Variants in GOLM1 observed in about 807,000 individuals in gnomAD.
GOLM1 encodes the protein epididymis luminal protein 46.
GOLM1 carries 31 observed loss-of-function variants against 50.5 expected under a neutral mutation model. That is an observed-to-expected ratio of 0.61 (90% CI 0.46 to 0.83). The LOEUF (loss-of-function observed/expected upper bound fraction) is 0.83. GOLM1 is among the 40% of genes least tolerant of loss of function. GOLM1 has a pLI of 0.00. For missense variants in GOLM1, 491 were observed against 501.3 expected, an observed-to-expected ratio of 0.98 and a Z score of 0.20; for synonymous variants, 178 against 192.8, an observed-to-expected ratio of 0.92 and a Z score of 0.64.
At chr9:86,039,274 G>A (rs1833251173) in intron 6 of GOLM1, among the ~76,000 whole-genome samples, 1 of 152,306 alleles carries the variant, frequency 6.6e-6, no homozygotes, top group Non-Finnish European at 1.5e-5. Context: ...ACACCTGCTA[G>A]GAAGGGTATC....
In GOLM1 at chr9:86,026,560, G is replaced by A. The variant is rs144145411; in HGVS notation, c.*1257C>T. 530 of 908,106 alleles carry A rather than the reference G, an allele frequency of 5.8e-4. 2 individuals are homozygous for A. The highest frequency in any genetic ancestry group is 3.7e-3 in the African/African-American group (208 of 55,794). The allele number at this position is 908,106 out of a possible 1,614,324, so 56.3% of individuals were successfully genotyped here. On this transcript the variant is annotated 3_prime_UTR_variant, in exon 10 of 10. Coordinates refer to ENST00000388712, the MANE Select transcript of GOLM1 (RefSeq NM_016548.4). ...TGAAAATAAGAGGGTTGGATCAAACGATCTCTGGGGCCTTAGCATCTCAAA... is the reference window on the plus strand; with the variant it reads ...TGAAAATAAGAGGGTTGGATCAAACAATCTCTGGGGCCTTAGCATCTCAAA...
intron 3 of GOLM1, among the ~76,000 whole-genome samples, chr9:86,056,566 C>T (rs191190056): frequency 1.1e-3 from 167 of 146,936 alleles, no homozygotes; most frequent in African/African-American, 3.8e-3. Context: ...AATGCAGTGG[C>T]GTGATCTTGG....
At chr9:86,094,826 G>A (rs1402202339) in intron 1 of GOLM1, among the ~76,000 whole-genome samples, 2 of 152,166 alleles carry the variant, frequency 1.3e-5, no homozygotes, top group African/African-American at 4.8e-5. Flanking sequence ...GCTAATGCCT[G>A]TAATCCCAGC....
At chr9:86,033,547 T>G (rs957671918) in intron 8 of GOLM1, 152 bp from the exon 9 acceptor site, 7 of 618,806 alleles carry the variant, frequency 1.1e-5, no homozygotes, top group Non-Finnish European at 1.7e-5. Context: ...AAGGGCTGGC[T>G]TCCAGGACAA....
intron 3 of GOLM1, among the ~76,000 whole-genome samples, chr9:86,053,633 A>AC (rs1833877858): frequency 5.7e-4 from 1 of 1,744 alleles, no homozygotes. Flanking sequence ...ACATCACTAC[A>AC]AAACACACAC....
intron 3 of GOLM1, among the ~76,000 whole-genome samples, chr9:86,055,597 T>C (rs1432852373): frequency 6.6e-5 from 10 of 152,172 alleles, no homozygotes; most frequent in African/African-American, 2.4e-4. Context: ...CAATGAAATA[T>C]TATGCTACCT....
intron 1 of GOLM1, among the ~76,000 whole-genome samples, chr9:86,096,148 G>A (rs1466290937): frequency 6.7e-6 from 1 of 149,092 alleles, no homozygotes; most frequent in Admixed American, 6.7e-5. Flanking sequence ...CGGCAATAAA[G>A]TACACACCAC....
rs187766931 is a variant in GOLM1 at position 86,062,907 on chromosome 9, G to A, written c.310-10316C>T. Among the ~76,000 whole-genome samples the A allele has an allele frequency of 2.1e-3, 322 of 152,270 alleles. 2 individuals are homozygous for A. Among genetic ancestry groups the A allele is most frequent in the Non-Finnish European group, 3.2e-3 (219 of 68,012 alleles). ...GAGGCTTCTCTAGCAGTGGACGAGC[G>A]CCTGTCTTCTTAGTCCCTGACCCTG... On this transcript the variant is annotated intron_variant, in intron 3 of 9. Transcript: ENST00000388712.
In GOLM1 at chr9:86,046,497, T is replaced by G. The variant is rs772226448; in HGVS notation, c.440A>C (p.Asn147Thr). The change falls in exon 5 of 10, where the codon AAC becomes ACC. Residue 147 changes from asparagine to threonine, a missense_variant. Coordinates refer to ENST00000388712, the MANE Select transcript of GOLM1 (RefSeq NM_016548.4). ...GTCGTAGGAGAACTTCCTCTCCAGGTTGGTCTGGTTCTTCTGAAACTGGAG... is the reference window on the plus strand; with the variant it reads ...GTCGTAGGAGAACTTCCTCTCCAGGGTGGTCTGGTTCTTCTGAAACTGGAG... ...DVLQFQKNQT[N>T]LERKFSYDLS... 7.4e-6 allele frequency: 12 copies of G among 1,612,030 alleles called. No individual in the cohort carries two copies. In the Admixed American group the frequency reaches 2.0e-4, roughly 27 times the overall value.
chr9:86,032,698 C>T (rs568935254), intron 9 of GOLM1, among the ~76,000 whole-genome samples: 1 of 152,230 alleles, frequency 6.6e-6, no homozygotes, highest in East Asian at 1.9e-4. Context: ...GGAAAATGGC[C>T]TTCTGAGACC....
chr9:86,041,891 G>A (rs1213063688), intron 5 of GOLM1, among the ~76,000 whole-genome samples: 2 of 152,214 alleles, frequency 1.3e-5, no homozygotes, highest in African/African-American at 4.8e-5. Context: ...GGCTGAGGCG[G>A]TGGATCACGA....
chr9:86,074,914 G>GA (rs202190972), intron 3 of GOLM1, among the ~76,000 whole-genome samples: 1 of 150,026 alleles, frequency 6.7e-6, no homozygotes, highest in African/African-American at 2.4e-5. Context: ...AATTTGGGAG[G>GA]AAAAAAAAAA....
At chr9:86,099,013 T>C (rs961905583) in intron 1 of GOLM1, among the ~76,000 whole-genome samples, 3 of 152,202 alleles carry the variant, frequency 2.0e-5, no homozygotes, top group African/African-American at 7.2e-5. Context: ...CAAATCACGC[T>C]GCAGAACTGG....
At chr9:86,089,190 A>C (rs1835094513) in intron 1 of GOLM1, among the ~76,000 whole-genome samples, 1 of 151,824 alleles carries the variant, frequency 6.6e-6, no homozygotes, top group Admixed American at 6.6e-5. Flanking sequence ...TGCCCTTAAC[A>C]TTTTTTCCTT....
intron 3 of GOLM1, among the ~76,000 whole-genome samples, chr9:86,067,633 C>T (rs528423694): frequency 6.6e-6 from 1 of 152,222 alleles, no homozygotes; most frequent in African/African-American, 2.4e-5. Context: ...ACAAAAGGGG[C>T]CGTCGGTTGA....
intron 4 of GOLM1, 22 bp from the exon 5 acceptor site, chr9:86,046,594 T>C: frequency 6.9e-7 from 1 of 1,451,890 alleles, no homozygotes; most frequent in Non-Finnish European, 9.6e-7. Context: ...GGACAAGGAA[T>C]TGCACAGGTC....
chr9:86,079,045 T>C (rs1461763012), intron 2 of GOLM1, 147 bp downstream of exon 2: 4 of 612,066 alleles, frequency 6.5e-6, no homozygotes, highest in Non-Finnish European at 1.1e-5. Context: ...TGTGGGGGTG[T>C]GCAGAGCCCT....
intron 3 of GOLM1, among the ~76,000 whole-genome samples, chr9:86,058,124 G>A (rs1284790434): frequency 1.3e-5 from 2 of 152,180 alleles, no homozygotes; most frequent in African/African-American, 4.8e-5. Flanking sequence ...AGAATATCAA[G>A]TATTCATTGG....
At position 86,089,368 on chromosome 9, in the gene GOLM1, T is replaced by TC. The variant is rs200463409; in HGVS notation, c.-21-10028dup. ...AAGAGTGTTTCCAACTTGGTTCCAT[T>TC]CCCCCCCTCACTTTCAGGTACACCA... is the stretch of plus-strand genomic sequence containing the variant. On this transcript the variant is annotated intron_variant, in intron 1 of 9. Transcript: ENST00000388712. Among the ~76,000 whole-genome samples the TC allele has an allele frequency of 4.6e-4, 70 of 152,114 alleles. No homozygotes were observed. In the East Asian group the frequency reaches 0.011, roughly 23 times the overall value.
Sources: allele counts gnomAD v4.1 joint callset (sites outside exome capture counted in the v4.1 genomes callset), GRCh38; gene constraint gnomAD v4.1.1; transcripts MANE v1.5; gene names NCBI Gene and HGNC (gene_info 2026-07-23, HGNC 2026-07-21).